FAM133B: variants seen among roughly 807,000 people sequenced by gnomAD.
FAM133B encodes protein FAM133B.
FAM133B carries 25 observed loss-of-function variants against 46.4 expected under a neutral mutation model. The observed-to-expected ratio is 0.54, with a 90% CI of 0.39 to 0.75. FAM133B has a LOEUF of 0.75. Among genes scored for constraint, FAM133B ranks in the 30% least tolerant of loss-of-function variants. The probability of loss-of-function intolerance (pLI) is 0.00; values close to 1 mark genes in which losing one functional copy is unlikely to be tolerated. For missense variants in FAM133B, 205 were observed against 277.6 expected, an observed-to-expected ratio of 0.74 and a Z score of 1.86; for synonymous variants, 75 against 86.0, an observed-to-expected ratio of 0.87 and a Z score of 0.71.
intron 10 of FAM133B, 120 bp from the exon 11 acceptor site, chr7:92,562,488 T>C: frequency 7.5e-7 from 1 of 1,337,172 alleles, no homozygotes; most frequent in South Asian, 1.6e-5. Flanking sequence ...AGAAAACTAC[T>C]CAAAACATTC....
chr7:92,577,265 A>G, intron 6 of FAM133B, 70 bp from the exon 7 acceptor site: 1 of 1,115,296 alleles, frequency 9.0e-7, no homozygotes, highest in Non-Finnish European at 1.2e-6. Flanking sequence ...TATTAATATA[A>G]AACTTTTATC....
chr7:92,573,146 A>C (rs918280444), intron 8 of FAM133B, among the ~76,000 whole-genome samples: 4 of 151,880 alleles, frequency 2.6e-5, no homozygotes, highest in African/African-American at 9.7e-5. Flanking sequence ...TCAAAGGAAA[A>C]AATGATAGTT....
Position 92,586,483 on chromosome 7 carries a change from A to G in FAM133B, c.24+3785T>C, listed in dbSNP as rs567706084. On this transcript the variant is annotated intron_variant, in intron 1 of 10. Coordinates refer to ENST00000445716, the MANE Select transcript of FAM133B (RefSeq NM_152789.4). ...CTAACATTAAGTGGGTGGCATGGTT[A>G]AGCATTCACTAAAATATAGAGATTG... 1.6e-4 allele frequency among the ~76,000 whole-genome samples: 25 copies of G among 152,362 alleles called. 1 individual carries two copies. The East Asian group carries it at 4.8e-3, about 29-fold the overall frequency.
At chr7:92,573,015 G>C (rs1428634235) in intron 8 of FAM133B, among the ~76,000 whole-genome samples, 1 of 150,360 alleles carries the variant, frequency 6.7e-6, no homozygotes, top group African/African-American at 2.5e-5. Context: ...CATTCCAGTA[G>C]GTATAACTAA....
intron 8 of FAM133B, among the ~76,000 whole-genome samples, chr7:92,572,139 T>C (rs1419608429): frequency 6.6e-6 from 1 of 151,978 alleles, no homozygotes; most frequent in Non-Finnish European, 1.5e-5. Flanking sequence ...GACCAGAAAA[T>C]GTTGTTTCTT....
chr7:92,577,254 T>G (rs1361007623), intron 6 of FAM133B, 59 bp from the exon 7 acceptor site: 1 of 1,191,778 alleles, frequency 8.4e-7, no homozygotes, highest in Non-Finnish European at 1.1e-6. Context: ...ATTTACACAT[T>G]TATTAATATA....
At chr7:92,574,028 A>T (rs938753191) in intron 8 of FAM133B, among the ~76,000 whole-genome samples, 6 of 152,154 alleles carry the variant, frequency 3.9e-5, no homozygotes, top group African/African-American at 1.4e-4. Context: ...ATTAAAAAAA[A>T]TTTAAAATTA....
chr7:92,580,260 C>A (rs1007381468), intron 2 of FAM133B, among the ~76,000 whole-genome samples: 2 of 145,834 alleles, frequency 1.4e-5, no homozygotes, highest in South Asian at 4.4e-4. Flanking sequence ...AAAAAAAAAA[C>A]ACATAAATAT....
chr7:92,589,920 G>C, intron 1 of FAM133B: 1 of 389,828 alleles, frequency 2.6e-6, no homozygotes, highest in South Asian at 3.0e-5. Context: ...TAAGTCTTCG[G>C]AGTTACATGG....
intron 10 of FAM133B, among the ~76,000 whole-genome samples, chr7:92,563,589 C>A (rs2116371154): frequency 1.3e-5 from 2 of 152,280 alleles, no homozygotes; most frequent in South Asian, 4.1e-4. Flanking sequence ...CACTTAAAAC[C>A]AATGATGCCC....
At chr7:92,588,675 T>TGGAGGTGGGGCCTGGTG (rs1453381139) in intron 1 of FAM133B, among the ~76,000 whole-genome samples, 1 of 152,196 alleles carries the variant, frequency 6.6e-6, no homozygotes, top group East Asian at 1.9e-4. Flanking sequence ...TCCCCAATGT[T>TGGAGGTGGGGCCTGGTG]GGAGGTGGGG....
chr7:92,576,344 A>T (rs1794693655), intron 7 of FAM133B, among the ~76,000 whole-genome samples: 1 of 151,750 alleles, frequency 6.6e-6, no homozygotes, highest in African/African-American at 2.4e-5. Context: ...AATAAATGTT[A>T]GCTATCATTA....
At chr7:92,573,183 T>TA (rs1398859577) in intron 8 of FAM133B, among the ~76,000 whole-genome samples, 3 of 149,992 alleles carry the variant, frequency 2.0e-5, no homozygotes, top group East Asian at 3.9e-4. Context: ...TTTTTTTTTT[T>TA]AGAGATGGGG....
In FAM133B at chr7:92,574,701, C is replaced by A. The variant is rs1439603819; in HGVS notation, c.516+1070G>T. Among the ~76,000 whole-genome samples, 3 of 150,176 alleles carry A rather than the reference C, an allele frequency of 2.0e-5. No individual in the cohort carries two copies. In the East Asian group the frequency reaches 5.9e-4, roughly 29 times the overall value. ...CGGGTGGATCATGAGGTCAGGAGAT[C>A]GAGACCATCCTGGCTAACAAGGTGA... On this transcript the variant is annotated intron_variant, in intron 8 of 10. Transcript: ENST00000445716.
At chr7:92,564,410 T>C (rs1391636057) in intron 10 of FAM133B, among the ~76,000 whole-genome samples, 3 of 152,212 alleles carry the variant, frequency 2.0e-5, no homozygotes, top group African/African-American at 2.4e-5. Context: ...ACATACACAC[T>C]AGCTGAAAGC....
intron 8 of FAM133B, among the ~76,000 whole-genome samples, chr7:92,574,573 A>G (rs932387703): frequency 3.3e-5 from 5 of 152,184 alleles, no homozygotes; most frequent in African/African-American, 9.7e-5. Flanking sequence ...GGTATATTAA[A>G]TGAAACTGAA....
chr7:92,567,393 G>A (rs192641250), intron 9 of FAM133B, among the ~76,000 whole-genome samples: 1 of 152,178 alleles, frequency 6.6e-6, no homozygotes, highest in Admixed American at 6.5e-5. Flanking sequence ...GCCTAATGTT[G>A]AATTGCGTGG....
At chr7:92,572,909 A>G (rs1003251332) in intron 8 of FAM133B, among the ~76,000 whole-genome samples, 2 of 152,212 alleles carry the variant, frequency 1.3e-5, no homozygotes, top group Non-Finnish European at 2.9e-5. Context: ...TGAAAGTATC[A>G]GTAAGGATAG....
chr7:92,590,092 C>T (rs1585321542), intron 1 of FAM133B, 176 bp downstream of exon 1: 1 of 824,200 alleles, frequency 1.2e-6, no homozygotes, highest in South Asian at 1.7e-5. Flanking sequence ...AACCCTAAAG[C>T]GCCAACTGCG....
Sources: allele counts gnomAD v4.1 joint callset (sites outside exome capture counted in the v4.1 genomes callset), GRCh38; gene constraint gnomAD v4.1.1; transcripts MANE v1.5; gene names NCBI Gene and HGNC (gene_info 2026-07-23, HGNC 2026-07-21).